Variants in UBE3D observed in about 807,000 individuals in gnomAD.
UBE3D encodes the protein E3 ubiquitin-protein ligase E3D.
UBE3D carries 48 observed loss-of-function variants against 49.6 expected under a neutral mutation model. That is an observed-to-expected ratio of 0.97 (90% CI 0.77 to 1.23). The LOEUF (loss-of-function observed/expected upper bound fraction) is 1.23, where lower values mean the gene tolerates loss of function less well. Ranked by LOEUF, UBE3D falls within the 50% of genes most tolerant of loss-of-function variation. The pLI, the probability that UBE3D is intolerant of heterozygous loss-of-function variation, is 0.00. For synonymous variants in UBE3D, 189 were observed against 174.2 expected (o/e 1.08, Z -0.67); for missense variants, 452 against 468.4 (o/e 0.96, Z 0.32).
At chr6:82,945,225 A>T (rs1374261250) in intron 9 of UBE3D, among the ~76,000 whole-genome samples, 3 of 152,220 alleles carry the variant, frequency 2.0e-5, no homozygotes, top group Non-Finnish European at 2.9e-5. Flanking sequence ...CACAGGGGCG[A>T]TTGTGTCACC....
intron 5 of UBE3D, chr6:83,038,122 A>G (rs536385595): frequency 1.8e-4 from 36 of 200,150 alleles, no homozygotes; most frequent in Middle Eastern, 3.6e-3. Flanking sequence ...TTTTCTTGAA[A>G]TAGGCCCAAG....
chr6:83,001,610 A>G (rs912596602), intron 8 of UBE3D, among the ~76,000 whole-genome samples: 3 of 152,210 alleles, frequency 2.0e-5, no homozygotes, highest in African/African-American at 4.8e-5. Flanking sequence ...CTTACAGGCA[A>G]TCAAGATGGT....
intron 5 of UBE3D, chr6:83,037,504 G>A (rs1363962562): frequency 2.0e-5 from 3 of 152,118 alleles, no homozygotes; most frequent in African/African-American, 4.8e-5. Context: ...CAAAAATGAC[G>A]TTAAGGATGG....
At chr6:83,031,847 G>C (rs916140472) in intron 5 of UBE3D, among the ~76,000 whole-genome samples, 7 of 152,220 alleles carry the variant, frequency 4.6e-5, no homozygotes, top group African/African-American at 1.4e-4. Flanking sequence ...CCAAGGTACA[G>C]CTCGGGCCCC....
At chr6:83,030,202 T>C (rs1020989677) in intron 5 of UBE3D, among the ~76,000 whole-genome samples, 1 of 151,762 alleles carries the variant, frequency 6.6e-6, no homozygotes, top group Non-Finnish European at 1.5e-5. Flanking sequence ...GGCTGAGTAA[T>C]TAAAATTAAA....
At chr6:82,977,711 G>A (rs1280739318) in intron 8 of UBE3D, among the ~76,000 whole-genome samples, 1 of 151,964 alleles carries the variant, frequency 6.6e-6, no homozygotes, top group East Asian at 1.9e-4. Flanking sequence ...GGTGGTGGGC[G>A]CTTGTAATCC....
chr6:83,061,411 G>T (rs1029220856), intron 1 of UBE3D, among the ~76,000 whole-genome samples: 1 of 152,252 alleles, frequency 6.6e-6, no homozygotes, highest in African/African-American at 2.4e-5. Flanking sequence ...AATTGTGAGT[G>T]TTGGATGATG....
At chr6:82,991,881 G>A (rs1233639223) in intron 8 of UBE3D, among the ~76,000 whole-genome samples, 1 of 152,058 alleles carries the variant, frequency 6.6e-6, no homozygotes, top group African/African-American at 2.4e-5. Context: ...TCAGGTGGTA[G>A]AGCTGCCACA....
At position 82,919,465 on chromosome 6, in the gene UBE3D, G is replaced by A. The variant is rs555210708; in HGVS notation, c.1150-26423C>T. Among the ~76,000 whole-genome samples the A allele has an allele frequency of 4.6e-5, 7 of 151,906 alleles. No homozygotes were observed. The South Asian group carries it at 8.3e-4, about 18-fold the overall frequency. Reference sequence around the variant, plus strand: ...AAAAATACAAAAAAATTAGCTGGGCGTGGTGGCAGGCGCCTGTAGTCCCAG... The same window carrying A: ...AAAAATACAAAAAAATTAGCTGGGCATGGTGGCAGGCGCCTGTAGTCCCAG... On this transcript the variant is annotated intron_variant, in intron 9 of 9. Transcript: ENST00000369747.
At chr6:82,988,154 G>C (rs1219552124) in intron 8 of UBE3D, among the ~76,000 whole-genome samples, 1 of 152,094 alleles carries the variant, frequency 6.6e-6, no homozygotes, top group African/African-American at 2.4e-5. Flanking sequence ...CTTTTTGTTT[G>C]GCAATGATAC....
intron 8 of UBE3D, among the ~76,000 whole-genome samples, chr6:83,001,884 G>A (rs186827756): frequency 1.9e-3 from 284 of 152,238 alleles, no homozygotes; most frequent in Non-Finnish European, 3.2e-3. Context: ...CTGGTGAAAC[G>A]CGTATCACAG....
At chr6:82,918,153 A>G (rs540706759) in intron 9 of UBE3D, among the ~76,000 whole-genome samples, 1 of 152,258 alleles carries the variant, frequency 6.6e-6, no homozygotes, top group East Asian at 1.9e-4. Flanking sequence ...CAGGGAGAAA[A>G]TGGAATTATC....
chr6:82,972,892 T>C (rs537962064), intron 8 of UBE3D, among the ~76,000 whole-genome samples: 6 of 152,194 alleles, frequency 3.9e-5, no homozygotes, highest in Non-Finnish European at 8.8e-5. Flanking sequence ...TGAGCTATGA[T>C]AGAAATAAAA....
At chr6:82,883,894 T>G in the UBE3D span, among the ~76,000 whole-genome samples, 1 of 152,136 alleles carries the variant, frequency 6.6e-6, no homozygotes, top group East Asian at 1.9e-4. Flanking sequence ...ACCCAAACAG[T>G]GCTAACACCT....
intron 9 of UBE3D, among the ~76,000 whole-genome samples, chr6:82,925,786 C>G (rs547546560): frequency 6.6e-6 from 1 of 151,886 alleles, no homozygotes; most frequent in East Asian, 1.9e-4. Flanking sequence ...GAGTCAGCCT[C>G]TAAAATATGA....
chr6:82,911,220 A>AT (rs1772495234), intron 9 of UBE3D, among the ~76,000 whole-genome samples: 1 of 149,154 alleles, frequency 6.7e-6, no homozygotes, highest in Admixed American at 6.6e-5. Flanking sequence ...AAAAAAAAAA[A>AT]AAACTCAGGG....
intron 8 of UBE3D, among the ~76,000 whole-genome samples, chr6:82,960,168 A>G (rs1465422759): frequency 6.6e-6 from 1 of 152,140 alleles, no homozygotes; most frequent in East Asian, 1.9e-4. Context: ...TTGGGATGGC[A>G]TGTCCTTCAC....
rs113472433 is a variant in UBE3D at position 83,022,172 on chromosome 6, A to G, written c.846+281T>C. On this transcript the variant is annotated intron_variant, in intron 7 of 9. Coordinates refer to ENST00000369747, the MANE Select transcript of UBE3D (RefSeq NM_198920.3). Reference sequence around the variant, plus strand: ...TTCCTGAGTAGCTGAGACTACAGGCATGGGCCACCATGTCAGGCTAATTTT... The same window carrying G: ...TTCCTGAGTAGCTGAGACTACAGGCGTGGGCCACCATGTCAGGCTAATTTT... Among the ~76,000 whole-genome samples, 1,467 of 152,176 alleles carry G rather than the reference A, an allele frequency of 9.6e-3. 22 individuals are homozygous for G. Among genetic ancestry groups the G allele is most frequent in the African/African-American group, 0.033 (1,390 of 41,530 alleles).
At chr6:82,883,352 C>T in the UBE3D span, among the ~76,000 whole-genome samples, 1 of 152,098 alleles carries the variant, frequency 6.6e-6, no homozygotes, top group Admixed American at 6.6e-5. Context: ...ATCGATCATA[C>T]CCTATTGACC....
Sources: gnomAD v4.1 joint callset for allele counts (sites outside exome capture counted in the v4.1 genomes callset) on GRCh38, gnomAD v4.1.1 for gene constraint, MANE v1.5 for transcripts, NCBI Gene and HGNC (gene_info 2026-07-23, HGNC 2026-07-21) for gene names.